AGFG2: variants seen among roughly 807,000 people sequenced by gnomAD.
AGFG2 encodes ArfGAP with FG repeats 2, also known as arf-GAP domain and FG repeat-containing protein 2.
In AGFG2, 31 loss-of-function variants were observed where a neutral mutation model predicts 48.0. The observed-to-expected ratio is 0.65, with a 90% confidence interval of 0.49 to 0.87. The LOEUF is 0.87. Among genes scored for constraint, AGFG2 ranks in the 40% least tolerant of loss-of-function variants. The pLI is 0.00. For missense variants in AGFG2, 599 were observed against 632.6 expected, an observed-to-expected ratio of 0.95 and a Z score of 0.57; for synonymous variants, 229 against 260.8, an observed-to-expected ratio of 0.88 and a Z score of 1.18.
rs75437445 is a variant in AGFG2, at chr7:100,562,019, G to A, written c.878-240G>A. Among the ~76,000 whole-genome samples, 2,488 of 152,232 alleles carry A rather than the reference G, an allele frequency of 0.016. 27 individuals are homozygous for A. Among genetic ancestry groups the A allele is most frequent in the Non-Finnish European group, 0.024 (1,623 of 68,002 alleles). ...GAGCTGCTTTCCTCTCCGCAGCGCA[G>A]CTTTGAGCGCAGGGGACACGGAGAA... On this transcript the variant is annotated intron_variant, in intron 6 of 11. Coordinates refer to ENST00000300176, the MANE Select transcript of AGFG2 (RefSeq NM_006076.5). This position sits in a 1 kb window ranked among gnomAD's most constrained non-coding sequence, Gnocchi z 5.4.
At chr7:100,561,743 G>C (rs1800879292) in intron 6 of AGFG2, among the ~76,000 whole-genome samples, 1 of 152,266 alleles carries the variant, frequency 6.6e-6, no homozygotes, top group African/African-American at 2.4e-5. Context: ...GGGCACTGGG[G>C]CGGCCTCCCG....
rs759631173 is a variant in AGFG2 at position 100,553,416 on chromosome 7, C to T, written c.501C>T (p.Gly167=). The T allele has an allele frequency of 6.8e-6, 11 of 1,614,092 alleles. No individual in the cohort carries two copies. Among genetic ancestry groups the T allele is most frequent in the Non-Finnish European group, 2.5e-6 (3 of 1,180,044 alleles). Residue 167 remains glycine, a synonymous_variant, in exon 4 of 12, where the codon GGC becomes GGT. Transcript: ENST00000300176. ...GCAGTGCCTCCACCCCTGTGCAGGG[C>T]TCCATCCCAGAAGGGAAGCCCCTTC... The part of the protein sequence containing the change: ...TKGSASTPVQ[G]SIPEGKPLRT...
intron 5 of AGFG2, 89 bp downstream of exon 5, chr7:100,554,347 ATCT>A: frequency 6.9e-7 from 1 of 1,456,328 alleles, no homozygotes; most frequent in Non-Finnish European, 9.2e-7. Flanking sequence ...ATGGCTCTAG[ATCT>A]TCTCATGCAA....
intron 1 of AGFG2, among the ~76,000 whole-genome samples, chr7:100,542,092 T>G (rs1163675442): frequency 3.3e-5 from 5 of 152,044 alleles, no homozygotes; most frequent in African/African-American, 1.2e-4. Context: ...CTCGGCTCAT[T>G]GCAACCCCTG....
At chr7:100,547,043 ACAG>A (rs1191520043) in intron 1 of AGFG2, among the ~76,000 whole-genome samples, 1 of 152,166 alleles carries the variant, frequency 6.6e-6, no homozygotes, top group East Asian at 1.9e-4. Context: ...ATTGCTGCAA[ACAG>A]CGTCAACTGG....
intron 3 of AGFG2, among the ~76,000 whole-genome samples, chr7:100,551,060 A>ATTTTTT (rs1800628711): frequency 1.3e-5 from 1 of 76,872 alleles, no homozygotes; most frequent in African/African-American, 5.4e-5. Flanking sequence ...ATATATATAT[A>ATTTTTT]TATATATTTC....
intron 3 of AGFG2, 120 bp from the exon 4 acceptor site, chr7:100,553,227 A>G: frequency 7.9e-7 from 1 of 1,268,976 alleles, no homozygotes; most frequent in Non-Finnish European, 1.1e-6. Context: ...CCTTCAAAAA[A>G]GGGAATCAGT....
rs1379345018 is a variant in AGFG2, at chr7:100,551,063, TATA to T, written c.431+553_431+555del. ...ATATATATATATATATATATATATA[TATA>T]TTTCTTTTTTTTTTTTTTTTTGAGA... On this transcript the variant is annotated intron_variant, in intron 3 of 11. Transcript: ENST00000300176. Among the ~76,000 whole-genome samples the T allele has an allele frequency of 4.0e-3, 445 of 112,144 alleles. 11 individuals are homozygous for T. The highest frequency in any genetic ancestry group is 8.6e-3 in the African/African-American group (219 of 25,510). The allele number at this position is 112,144 out of a possible 152,430, so 73.6% of individuals were successfully genotyped here. A position where few individuals can be genotyped will look rare whatever the true frequency, so the allele number is the denominator to read the frequency against.
At position 100,550,433 on chromosome 7, in the gene AGFG2, G is replaced by C; in HGVS notation, c.353G>C (p.Arg118Pro). ...ATTTGGTTGGGTCTGTTTGATGCTC[G>C]GACATCTTTAGTACCAGATTCCAGG... is the stretch of plus-strand genomic sequence containing the variant. Reference protein sequence around the residue: ...RKIWLGLFDARTSLVPDSRDP... With the variant: ...RKIWLGLFDAPTSLVPDSRDP... Residue 118 changes from arginine (R) to proline (P), a missense_variant, in exon 3 of 12, where the codon CGG becomes CCG. Physicochemically the swap from Arg to Pro is moderately radical, Grantham distance 103 (BLOSUM62 -2). Coordinates refer to ENST00000300176, the MANE Select transcript of AGFG2 (RefSeq NM_006076.5). 1 of 1,613,872 alleles carries C rather than the reference G, an allele frequency of 6.2e-7. No individual in the cohort carries two copies. The highest frequency in any genetic ancestry group is 1.3e-5 in the African/African-American group (1 of 74,944).
intron 6 of AGFG2, chr7:100,556,455 C>A (rs888320457): frequency 1.6e-5 from 9 of 573,068 alleles, no homozygotes; most frequent in Middle Eastern, 3.8e-4. Flanking sequence ...TGCCTTCTGC[C>A]ATTGGACATC....
chr7:100,558,169 G>A (rs1479515600), intron 6 of AGFG2, among the ~76,000 whole-genome samples: 1 of 152,192 alleles, frequency 6.6e-6, no homozygotes, highest in African/African-American at 2.4e-5. Flanking sequence ...AGCAGACATC[G>A]TGCTGTTGCG....
chr7:100,564,839 C>A, intron 11 of AGFG2, 93 bp from the exon 12 acceptor site: 1 of 1,412,404 alleles, frequency 7.1e-7, no homozygotes, highest in Non-Finnish European at 1.0e-6. Context: ...CTCAGCATAG[C>A]GATTTTTCAG....
chr7:100,563,985 C>G (rs548829633), intron 10 of AGFG2, 23 bp downstream of exon 10: 8 of 1,602,472 alleles, frequency 5.0e-6, no homozygotes, highest in Non-Finnish European at 6.8e-6. Flanking sequence ...GATGGACAAA[C>G]CCTTTCACCC....
intron 9 of AGFG2, 74 bp downstream of exon 9, chr7:100,563,020 C>T: frequency 7.1e-7 from 1 of 1,409,294 alleles, no homozygotes; most frequent in Non-Finnish European, 9.8e-7. Context: ...CAGCCTCTCC[C>T]TTAACCCTTT....
intron 2 of AGFG2, 43 bp downstream of exon 2, chr7:100,548,958 C>A: frequency 6.6e-7 from 1 of 1,517,538 alleles, no homozygotes; most frequent in Non-Finnish European, 9.2e-7. Context: ...CACCTATCTG[C>A]AGGTGGGGCT....
chr7:100,553,288 G>T, intron 3 of AGFG2, 59 bp from the exon 4 acceptor site: 1 of 1,592,988 alleles, frequency 6.3e-7, no homozygotes. Flanking sequence ...AAACATCTCA[G>T]CTGAGCGTGG....
chr7:100,549,331 C>G (rs1800578239), intron 2 of AGFG2, among the ~76,000 whole-genome samples: 1 of 152,188 alleles, frequency 6.6e-6, no homozygotes, highest in Non-Finnish European at 1.5e-5. Context: ...CCTTCCCTAG[C>G]TAAATCTGCC....
In AGFG2 at chr7:100,548,931, T is replaced by A. The variant is rs1410722382; in HGVS notation, c.315+16T>A. The A allele has an allele frequency of 6.2e-7, 1 of 1,605,464 alleles. No homozygotes were observed. The highest frequency in any genetic ancestry group is 8.5e-7 in the Non-Finnish European group (1 of 1,172,806). Reference sequence around the variant, plus strand: ...TGGAAATGAGGTGAGCTGCCACCGATGGAGTGGTGAGAAGGTCACCTATCT... The same window carrying A: ...TGGAAATGAGGTGAGCTGCCACCGAAGGAGTGGTGAGAAGGTCACCTATCT... On this transcript the variant is annotated intron_variant, in intron 2 of 11. Transcript: ENST00000300176.
intron 6 of AGFG2, among the ~76,000 whole-genome samples, chr7:100,558,221 C>CA (rs1393269605): frequency 6.6e-5 from 10 of 151,982 alleles, no homozygotes; most frequent in Admixed American, 2.0e-4. Flanking sequence ...TCTCGAAAAA[C>CA]AAAAAAACAA....
Sources: allele counts gnomAD v4.1 joint callset (sites outside exome capture counted in the v4.1 genomes callset), GRCh38; gene constraint gnomAD v4.1.1; non-coding constraint Gnocchi (gnomAD v3.1); transcripts MANE v1.5; gene names NCBI Gene and HGNC (gene_info 2026-07-23, HGNC 2026-07-21).